The following RASEF variants were observed in gnomAD, a reference collection of about 807,000 sequenced individuals.
RASEF encodes ras and EF-hand domain-containing protein.
RASEF carries 68 observed loss-of-function variants against 90.1 expected under a neutral mutation model. The ratio of observed to expected loss-of-function variants is 0.75; its 90% CI spans 0.62 to 0.92. The LOEUF is 0.92. RASEF is among the 40% of genes least tolerant of loss of function. The probability of loss-of-function intolerance (pLI) is 0.00; values close to 1 mark genes in which losing one functional copy is unlikely to be tolerated. For missense variants in RASEF, 949 were observed against 937.2 expected, an observed-to-expected ratio of 1.01 and a Z score of -0.16; for synonymous variants, 331 against 345.2, an observed-to-expected ratio of 0.96 and a Z score of 0.46.
At chr9:83,148,108 G>A in the RASEF span, among the ~76,000 whole-genome samples, 2 of 152,036 alleles carry the variant, frequency 1.3e-5, no homozygotes, top group Admixed American at 1.3e-4. Context: ...TTCCAGTCTT[G>A]AGGGTAATGC....
intron 15 of RASEF, among the ~76,000 whole-genome samples, chr9:82,992,143 C>T (rs1002104867): frequency 1.3e-4 from 20 of 152,168 alleles, no homozygotes; most frequent in African/African-American, 4.3e-4. Flanking sequence ...AGTTCACATA[C>T]GTATGCTACA....
chr9:83,061,492 GA>G (rs1830198870), intron 1 of RASEF, among the ~76,000 whole-genome samples: 1 of 152,276 alleles, frequency 6.6e-6, no homozygotes, highest in Admixed American at 6.5e-5. Flanking sequence ...ACATAAAGCA[GA>G]AAAACACTTA....
At chr9:83,197,197 A>G in the RASEF span, among the ~76,000 whole-genome samples, 1 of 152,196 alleles carries the variant, frequency 6.6e-6, no homozygotes, top group South Asian at 2.1e-4. Flanking sequence ...CCACGGAAAG[A>G]CTGATCTGCA....
chr9:83,092,376 T>G, the RASEF span, among the ~76,000 whole-genome samples: 2 of 152,114 alleles, frequency 1.3e-5, no homozygotes, highest in Non-Finnish European at 2.9e-5. Context: ...ATCTGGAGTT[T>G]GTTCCTTCTG....
the RASEF span, among the ~76,000 whole-genome samples, chr9:83,197,373 T>C: frequency 6.6e-6 from 1 of 152,128 alleles, no homozygotes; most frequent in East Asian, 1.9e-4. Context: ...GGCTATGACT[T>C]AACTAATTCA....
At chr9:83,178,462 C>T in the RASEF span, among the ~76,000 whole-genome samples, 5 of 152,208 alleles carry the variant, frequency 3.3e-5, no homozygotes, top group East Asian at 5.8e-4. Context: ...CAGAAAAAGG[C>T]CCTTTCACTG....
intron 8 of RASEF, among the ~76,000 whole-genome samples, chr9:83,005,114 A>G (rs1829104745): frequency 6.6e-6 from 1 of 152,206 alleles, no homozygotes; most frequent in Non-Finnish European, 1.5e-5. Flanking sequence ...TCTCACTGGC[A>G]TAAAGAATAC....
In RASEF at chr9:83,000,344, A is replaced by G; in HGVS notation, c.1576-28T>C. On this transcript the variant is annotated intron_variant, in intron 11 of 16. Transcript: ENST00000376447. ...GGGGGGAAAAGCCACAGTGAATGAT[A>G]ACGGTATTGCCAGTTTTCATCCTAA... 7 of 1,612,236 alleles carry G rather than the reference A, an allele frequency of 4.3e-6. No individual in the cohort carries two copies. In the South Asian group the frequency reaches 5.5e-5, roughly 13 times the overall value.
intron 3 of RASEF, among the ~76,000 whole-genome samples, chr9:83,019,714 A>G (rs972866818): frequency 3.9e-5 from 6 of 152,242 alleles, no homozygotes; most frequent in African/African-American, 1.4e-4. Flanking sequence ...ACACTGTGGT[A>G]CCCCTACGTA....
chr9:83,001,355 A>C (rs1829037899), intron 9 of RASEF, among the ~76,000 whole-genome samples: 1 of 152,196 alleles, frequency 6.6e-6, no homozygotes, highest in African/African-American at 2.4e-5. Flanking sequence ...CAAACACTTA[A>C]CAAACAAAGC....
chr9:83,004,298 C>T (rs1052766073), intron 9 of RASEF, among the ~76,000 whole-genome samples, 200 bp downstream of exon 9: 2 of 152,150 alleles, frequency 1.3e-5, no homozygotes, highest in Non-Finnish European at 2.9e-5. Flanking sequence ...TAACTCATAA[C>T]ATCTTCAGGA....
At chr9:83,128,106 T>A in the RASEF span, among the ~76,000 whole-genome samples, 2 of 150,180 alleles carry the variant, frequency 1.3e-5, no homozygotes, top group Non-Finnish European at 3.0e-5. Context: ...TGGGAGGACA[T>A]ACTGCTTGAA....
the RASEF span, among the ~76,000 whole-genome samples, chr9:83,092,863 G>A: frequency 6.6e-6 from 1 of 151,556 alleles, no homozygotes; most frequent in Non-Finnish European, 1.5e-5. Flanking sequence ...TACAGAGTAA[G>A]GACACAAAGG....
the RASEF span, among the ~76,000 whole-genome samples, chr9:83,105,893 C>G: frequency 2.0e-5 from 3 of 152,294 alleles, no homozygotes; most frequent in Non-Finnish European, 4.4e-5. Flanking sequence ...AAGAACACCA[C>G]CCAAGGCCAA....
intron 4 of RASEF, among the ~76,000 whole-genome samples, chr9:83,015,239 A>C (rs1829321842): frequency 6.6e-6 from 1 of 152,266 alleles, no homozygotes; most frequent in African/African-American, 2.4e-5. Context: ...ACCAGACACA[A>C]GGGACTTGAG....
At chr9:83,194,532 A>G in the RASEF span, among the ~76,000 whole-genome samples, 1 of 152,168 alleles carries the variant, frequency 6.6e-6, no homozygotes, top group Admixed American at 6.5e-5. Context: ...TTCCCTGGAA[A>G]ATCACTTTTT....
chr9:83,018,113 T>C (rs1052431607), intron 3 of RASEF, among the ~76,000 whole-genome samples: 1 of 152,194 alleles, frequency 6.6e-6, no homozygotes, highest in African/African-American at 2.4e-5. Context: ...TGTTCTCATC[T>C]CCTTTATTCT....
chr9:83,005,288 G>T, intron 8 of RASEF, 128 bp downstream of exon 8: 1 of 647,466 alleles, frequency 1.5e-6, no homozygotes, highest in Non-Finnish European at 2.7e-6. Flanking sequence ...TTATTTTATG[G>T]AAAGATCTTC....
chr9:82,998,587 A>G, intron 12 of RASEF, 141 bp from the exon 13 acceptor site: 1 of 589,806 alleles, frequency 1.7e-6, no homozygotes, highest in Non-Finnish European at 3.0e-6. Context: ...CTTTAAGGAG[A>G]GTGACCTTCA....
Sources: gnomAD v4.1 joint callset for allele counts (sites outside exome capture counted in the v4.1 genomes callset) on GRCh38, gnomAD v4.1.1 for gene constraint, MANE v1.5 for transcripts, NCBI Gene and HGNC (gene_info 2026-07-23, HGNC 2026-07-21) for gene names.